Variants in CEPT1 observed in about 807,000 individuals in gnomAD.
The protein encoded by CEPT1 is choline/ethanolaminephosphotransferase 1.
A neutral mutation model predicts 42.6 loss-of-function variants in CEPT1; 7 were observed. The observed-to-expected ratio is 0.16, with a 90% CI of 0.09 to 0.31. The LOEUF is 0.31. Among genes scored for constraint, CEPT1 ranks in the 10% least tolerant of loss-of-function variants. The probability of loss-of-function intolerance (pLI) is 1.00; values close to 1 mark genes in which losing one functional copy is unlikely to be tolerated. For missense variants in CEPT1, 306 were observed against 502.1 expected, an observed-to-expected ratio of 0.61 and a Z score of 3.73; for synonymous variants, 171 against 171.9, an observed-to-expected ratio of 0.99 and a Z score of 0.04.
chr1:111,167,065 TG>T, intron 4 of CEPT1: 1 of 966,616 alleles, frequency 1.0e-6, no homozygotes, highest in Middle Eastern at 5.3e-4. Context: ...GCAAAAGTTC[TG>T]AGTAAAGTTA....
intron 1 of CEPT1, among the ~76,000 whole-genome samples, chr1:111,141,339 G>A (rs1252935996): frequency 6.6e-6 from 1 of 152,094 alleles, no homozygotes; most frequent in Non-Finnish European, 1.5e-5. Flanking sequence ...TTTCCTCTTC[G>A]TTTTATGCTG....
At chr1:111,167,210 T>C (rs1656185880) in intron 4 of CEPT1, 1 of 985,040 alleles carries the variant, frequency 1.0e-6, no homozygotes, top group African/African-American at 1.7e-5. Flanking sequence ...AGAATATTCA[T>C]GCTATCTGAT....
chr1:111,174,943 C>A lies in CEPT1; in HGVS notation c.694C>A (p.Pro232Thr). 6.2e-7 allele frequency: 1 copy of A among 1,610,008 alleles called. No individual in the cohort carries two copies. Among genetic ancestry groups the A allele is most frequent in the Non-Finnish European group, 8.5e-7 (1 of 1,176,514 alleles). ...GCATTTGCTGGCAGTGATTGGAGGA[C>A]CACCTTTTTGGCAATCTATGGTAAC... The part of the protein sequence containing the change: ...IMHLLAVIGG[P>T]PFWQSMIPVL... The change falls in exon 5 of 9, where the codon CCA (proline) becomes ACA (threonine). Residue 232 changes from proline (P) to threonine (T), a missense_variant. This residue lies in a region of CEPT1 where 253 missense variants were observed against 447.3 expected (regional missense o/e 0.57). Transcript: ENST00000357172.
intron 5 of CEPT1, 110 bp from the exon 6 acceptor site, chr1:111,182,077 A>G: frequency 2.8e-6 from 2 of 716,580 alleles, no homozygotes; most frequent in Non-Finnish European, 4.4e-6. Context: ...TTACGTATTT[A>G]TGTAATTGGA....
chr1:111,183,029 A>T, intron 7 of CEPT1, 72 bp downstream of exon 7: 2 of 1,427,696 alleles, frequency 1.4e-6, no homozygotes, highest in African/African-American at 2.9e-5. Context: ...TATAGTTCTC[A>T]TTCTGTAGCT....
At position 111,183,509 on chromosome 1, in the gene CEPT1, C is replaced by T. The variant is rs1657095257; in HGVS notation, c.1053C>T (p.Phe351=). The change falls in exon 8 of 9, where the codon TTC becomes TTT. Residue 351 remains phenylalanine (F), a synonymous_variant. Transcript: ENST00000357172. ...AAATGCATTTGCATGACACAGCATT[C>T]ATAGGTCCGGCACTTTTGTTTCTGG... ...KSEMHLHDTA[F]IGPALLFLDQ... 1 of 1,613,606 alleles carries T rather than the reference C, an allele frequency of 6.2e-7. No homozygotes were observed. Among genetic ancestry groups the T allele is most frequent in the Admixed American group, 1.7e-5 (1 of 60,000 alleles).
At position 111,184,714 on chromosome 1, in the gene CEPT1, T is replaced by C. The variant is rs1276048952; in HGVS notation, c.*404T>C. ...TTTAGTAACATCCTTGTTTAGTGTC[T>C]TCTCAAGCTTTCTTTACTGAGGAAT... On this transcript the variant is annotated 3_prime_UTR_variant, in exon 9 of 9. Coordinates refer to ENST00000357172, the MANE Select transcript of CEPT1 (RefSeq NM_006090.5). 1 of 153,468 alleles carries C rather than the reference T, an allele frequency of 6.5e-6. No individual in the cohort carries two copies. The highest frequency in any genetic ancestry group is 1.5e-5 in the Non-Finnish European group (1 of 68,784). 9.5% of individuals were successfully genotyped at this position (153,468 alleles called of 1,614,324 possible).
chr1:111,178,557 T>C (rs749788919), intron 5 of CEPT1: 3 of 152,166 alleles, frequency 2.0e-5, no homozygotes, highest in Non-Finnish European at 4.4e-5. Context: ...ATTTTTTGTT[T>C]GTTGCTTCCC....
intron 1 of CEPT1, among the ~76,000 whole-genome samples, chr1:111,143,067 C>T (rs1238787506): frequency 2.0e-5 from 3 of 152,228 alleles, no homozygotes; most frequent in Non-Finnish European, 2.9e-5. Context: ...ATAATTTTGG[C>T]TGTGTTCTAA....
intron 4 of CEPT1, among the ~76,000 whole-genome samples, chr1:111,172,693 C>G (rs1656481231): frequency 6.6e-6 from 1 of 152,200 alleles, no homozygotes; most frequent in African/African-American, 2.4e-5. Flanking sequence ...CACCCTTTTT[C>G]ATTGACAGTA....
intron 4 of CEPT1, 78 bp from the exon 5 acceptor site, chr1:111,174,801 A>G: frequency 4.5e-6 from 4 of 885,186 alleles, no homozygotes; most frequent in Non-Finnish European, 5.7e-6. Context: ...TGATAGAGGA[A>G]TGCTGCTAAG....
At chr1:111,147,098 A>T (rs1655011055) in intron 1 of CEPT1, among the ~76,000 whole-genome samples, 2 of 152,230 alleles carry the variant, frequency 1.3e-5, no homozygotes, top group African/African-American at 4.8e-5. Flanking sequence ...AAAAATGGGG[A>T]TAATTAATAG....
intron 4 of CEPT1, among the ~76,000 whole-genome samples, chr1:111,163,427 C>T (rs1046950547): frequency 6.6e-6 from 1 of 152,052 alleles, no homozygotes; most frequent in Non-Finnish European, 1.5e-5. Flanking sequence ...CCCAGGATTT[C>T]AAGACCAGCC....
chr1:111,172,678 G>A (rs182526578), intron 4 of CEPT1, among the ~76,000 whole-genome samples: 11 of 152,238 alleles, frequency 7.2e-5, no homozygotes, highest in Admixed American at 3.9e-4. Flanking sequence ...ACTTTGCACT[G>A]CATGCACCCT....
intron 4 of CEPT1, among the ~76,000 whole-genome samples, chr1:111,172,749 G>T (rs1268466164): frequency 6.6e-6 from 1 of 152,184 alleles, no homozygotes; most frequent in Non-Finnish European, 1.5e-5. Flanking sequence ...CAGTTCTCAT[G>T]ATTCAGAGCA....
intron 5 of CEPT1, among the ~76,000 whole-genome samples, chr1:111,175,206 C>T (rs1222587997): frequency 6.6e-6 from 1 of 151,976 alleles, no homozygotes; most frequent in Non-Finnish European, 1.5e-5. Flanking sequence ...TATTGTTATC[C>T]CATTTTACAG....
chr1:111,171,887 C>T (rs912804856), intron 4 of CEPT1, among the ~76,000 whole-genome samples: 6 of 152,162 alleles, frequency 3.9e-5, no homozygotes, highest in African/African-American at 1.2e-4. Flanking sequence ...TACAGGCATG[C>T]GCCACCACAC....
Position 111,171,936 on chromosome 1 carries a change from C to T in CEPT1, c.630-2943C>T, listed in dbSNP as rs373358591. On this transcript the variant is annotated intron_variant, in intron 4 of 8. Coordinates refer to ENST00000357172, the MANE Select transcript of CEPT1 (RefSeq NM_006090.5). Reference sequence around the variant, plus strand: ...ATTGTTAGTAGAGACGGGGTTTCTCCATGTTGGTCAGGCTGGTCTCAAACT... The same window carrying T: ...ATTGTTAGTAGAGACGGGGTTTCTCTATGTTGGTCAGGCTGGTCTCAAACT... Among the ~76,000 whole-genome samples, 24 of 152,230 alleles carry T rather than the reference C, an allele frequency of 1.6e-4. No individual in the cohort carries two copies. The South Asian group carries it at 5.0e-3, about 32-fold the overall frequency.
chr1:111,159,103 C>T (rs1247780124), intron 2 of CEPT1, among the ~76,000 whole-genome samples: 13 of 150,118 alleles, frequency 8.7e-5, no homozygotes, highest in African/African-American at 5.0e-5. Context: ...TTAGTAGAGA[C>T]GGGGTTTCAC....
Sources: allele counts gnomAD v4.1 joint callset (sites outside exome capture counted in the v4.1 genomes callset), GRCh38; gene constraint gnomAD v4.1.1; regional missense constraint gnomAD v4.1.1; transcripts MANE v1.5; gene names NCBI Gene and HGNC (gene_info 2026-07-23, HGNC 2026-07-21).